Variants in ROBO2 observed in about 807,000 individuals in gnomAD.
ROBO2 encodes the protein roundabout homolog 2.
ROBO2 carries 53 observed loss-of-function variants against 160.8 expected under a neutral mutation model. The observed-to-expected ratio is 0.33, with a 90% confidence interval of 0.26 to 0.41. The LOEUF is 0.41. ROBO2 is among the 10% of genes least tolerant of loss of function. The probability of loss-of-function intolerance (pLI) is 1.00; values close to 1 mark genes in which losing one functional copy is unlikely to be tolerated. For synonymous variants in ROBO2, 664 were observed against 611.7 expected (o/e 1.09, Z -1.26); for missense variants, 1,577 against 1,722.4 (o/e 0.92, Z 1.49).
At chr3:77,110,825 C>T (rs1046076198) in intron 2 of ROBO2, among the ~76,000 whole-genome samples, 23 of 151,888 alleles carry the variant, frequency 1.5e-4, no homozygotes, top group African/African-American at 5.6e-4. Flanking sequence ...TTCCCAGTAG[C>T]TTGTGCTACA....
At chr3:75,951,186 C>T (rs938981390) in intron 2 of ROBO2, among the ~76,000 whole-genome samples, 1 of 151,948 alleles carries the variant, frequency 6.6e-6, no homozygotes, top group African/African-American at 2.4e-5. Flanking sequence ...CACATGTGAC[C>T]ATAAATTTAT....
At chr3:76,247,008 G>A (rs1273937471) in intron 2 of ROBO2, among the ~76,000 whole-genome samples, 2 of 152,072 alleles carry the variant, frequency 1.3e-5, no homozygotes, top group Admixed American at 6.6e-5. Flanking sequence ...GCAAATAGGT[G>A]TAAAAAATAG....
intron 2 of ROBO2, among the ~76,000 whole-genome samples, chr3:76,584,217 C>A (rs1041307231): frequency 6.6e-6 from 1 of 152,088 alleles, no homozygotes; most frequent in Non-Finnish European, 1.5e-5. Context: ...ATGGTACCAA[C>A]GTAGAACTGC....
intron 2 of ROBO2, among the ~76,000 whole-genome samples, chr3:76,934,958 A>ATTTTTTTTTTTTTTTTTTTTTTTTTTTTT (rs151316771): frequency 1.4e-5 from 2 of 146,730 alleles, no homozygotes. Flanking sequence ...AGGCTTCACA[A>ATTTTTTTTTTTTTTTTTTTTTTTTTTTTT]ATTTTTTTTT....
chr3:76,426,747 A>T (rs1223111425), intron 2 of ROBO2, among the ~76,000 whole-genome samples: 2 of 152,106 alleles, frequency 1.3e-5, no homozygotes, highest in African/African-American at 4.8e-5. Flanking sequence ...TAGATTTCAA[A>T]GAAAGGGAAA....
chr3:76,286,478 A>C (rs1576266845), intron 2 of ROBO2, among the ~76,000 whole-genome samples: 1 of 152,186 alleles, frequency 6.6e-6, no homozygotes, highest in South Asian at 2.1e-4. Flanking sequence ...ATGATAAAAA[A>C]AGAGGGACAA....
intron 2 of ROBO2, among the ~76,000 whole-genome samples, chr3:77,291,652 C>G (rs1367401228): frequency 6.6e-6 from 1 of 150,560 alleles, no homozygotes; most frequent in East Asian, 2.0e-4. Context: ...TAGATCACCC[C>G]AGACATAAAG....
chr3:76,711,800 G>A (rs911377049), intron 2 of ROBO2, among the ~76,000 whole-genome samples: 11 of 152,142 alleles, frequency 7.2e-5, no homozygotes, highest in African/African-American at 2.2e-4. Context: ...TGACCCCTTC[G>A]AAACTCCTAT....
chr3:76,397,590 A>G (rs2077537644), intron 2 of ROBO2, among the ~76,000 whole-genome samples: 1 of 151,970 alleles, frequency 6.6e-6, no homozygotes, highest in African/African-American at 2.4e-5. Context: ...CAAAGGGCTA[A>G]TATCCAGAAT....
chr3:77,603,717 T>C (rs942197709), intron 20 of ROBO2: 3 of 152,258 alleles, frequency 2.0e-5, no homozygotes, highest in African/African-American at 7.2e-5. Context: ...TGGACAAAAA[T>C]ATATACCTAT....
chr3:77,212,486 G>A (rs539075051), intron 2 of ROBO2, among the ~76,000 whole-genome samples: 1 of 152,212 alleles, frequency 6.6e-6, no homozygotes, highest in South Asian at 2.1e-4. Context: ...CTGAGACGAT[G>A]GGGTTTTCTA....
intron 1 of ROBO2, among the ~76,000 whole-genome samples, chr3:77,050,332 T>C (rs2065090075): frequency 6.7e-6 from 1 of 149,180 alleles, no homozygotes; most frequent in Non-Finnish European, 1.5e-5. Flanking sequence ...TAACCGTTTG[T>C]GTATTCTAAG....
intron 2 of ROBO2, among the ~76,000 whole-genome samples, chr3:76,964,954 A>G (rs1384382218): frequency 6.6e-6 from 1 of 152,220 alleles, no homozygotes; most frequent in African/African-American, 2.4e-5. Flanking sequence ...GTTGTAAGTA[A>G]CAAGTATGAG....
chr3:77,522,318 G>A (rs1414017320), intron 5 of ROBO2, among the ~76,000 whole-genome samples: 4 of 151,010 alleles, frequency 2.6e-5, no homozygotes, highest in Admixed American at 1.3e-4. Flanking sequence ...TTGTCAATTT[G>A]CCAACAAATA....
At chr3:75,922,822 C>T (rs555341656) in intron 1 of ROBO2, among the ~76,000 whole-genome samples, 5 of 152,140 alleles carry the variant, frequency 3.3e-5, no homozygotes, top group Admixed American at 3.3e-4. Flanking sequence ...AATAGGTATT[C>T]GTATTGAGGG....
At chr3:77,219,484 A>ATGT (rs10654898) in intron 2 of ROBO2, among the ~76,000 whole-genome samples, 1 of 90,708 alleles carries the variant, frequency 1.1e-5, no homozygotes, top group African/African-American at 3.8e-5. Context: ...ATATATATAT[A>ATGT]ATCTGTATAT....
At chr3:76,567,742 TTTA>T (rs1446582773) in intron 2 of ROBO2, among the ~76,000 whole-genome samples, 4 of 10,746 alleles carry the variant, frequency 3.7e-4, no homozygotes, top group Non-Finnish European at 2.1e-3. Flanking sequence ...TATATACTGT[TTTA>T]TATATATATA....
intron 2 of ROBO2, chr3:77,316,921 T>C: frequency 3.3e-6 from 4 of 1,208,484 alleles, no homozygotes; most frequent in Non-Finnish European, 4.9e-6. Flanking sequence ...GGCATGAGGG[T>C]CAGTCTGATA....
chr3:77,240,919 A>T lies in ROBO2; in HGVS notation c.388+142579A>T, dbSNP rs903826049. On this transcript the variant is annotated intron_variant, in intron 2 of 25. Transcript: ENST00000461745. Reference sequence around the variant, plus strand: ...GTGAAAACACACAATGAAAATGAGCATCAGCCTCCAGTAATTCTAAATTTT... The same window carrying T: ...GTGAAAACACACAATGAAAATGAGCTTCAGCCTCCAGTAATTCTAAATTTT... Among the ~76,000 whole-genome samples, 30 of 152,308 alleles carry T rather than the reference A, an allele frequency of 2.0e-4. 1 individual carries two copies. Among genetic ancestry groups the T allele is most frequent in the African/African-American group, 6.5e-4 (27 of 41,586 alleles).
Sources: allele counts gnomAD v4.1 joint callset (sites outside exome capture counted in the v4.1 genomes callset), GRCh38; gene constraint gnomAD v4.1.1; transcripts MANE v1.5; gene names NCBI Gene and HGNC (gene_info 2026-07-23, HGNC 2026-07-21).